The following PPP1R9A variants were observed in gnomAD, a reference collection of about 807,000 sequenced individuals.
PPP1R9A encodes neurabin-1.
A neutral mutation model predicts 141.9 loss-of-function variants in PPP1R9A; 59 were observed. The ratio of observed to expected loss-of-function variants is 0.42; its 90% CI spans 0.34 to 0.52. The LOEUF is 0.52. PPP1R9A is among the 20% of genes least tolerant of loss of function. The probability of loss-of-function intolerance (pLI) is 0.10; values close to 1 mark genes in which losing one functional copy is unlikely to be tolerated. For missense variants in PPP1R9A, 1,444 were observed against 1,611.9 expected, an observed-to-expected ratio of 0.90 and a Z score of 1.78; for synonymous variants, 500 against 569.7, an observed-to-expected ratio of 0.88 and a Z score of 1.74.
intron 2 of PPP1R9A, among the ~76,000 whole-genome samples, chr7:94,972,480 A>T (rs887140559): frequency 1.3e-5 from 2 of 151,554 alleles, no homozygotes; most frequent in Non-Finnish European, 2.9e-5. Context: ...CTTGGCCCTG[A>T]CTCAGCTGGT....
chr7:95,173,088 C>G (rs1449617614), intron 5 of PPP1R9A, among the ~76,000 whole-genome samples: 2 of 151,718 alleles, frequency 1.3e-5, no homozygotes, highest in Non-Finnish European at 2.9e-5. Flanking sequence ...TGATCACAAC[C>G]CTAATTGCAG....
intron 7 of PPP1R9A, among the ~76,000 whole-genome samples, chr7:95,224,821 A>G (rs1794924838): frequency 6.6e-6 from 1 of 152,112 alleles, no homozygotes; most frequent in Admixed American, 6.6e-5. Context: ...AAAGGAATAG[A>G]TCATTCAGTA....
intron 5 of PPP1R9A, among the ~76,000 whole-genome samples, chr7:95,173,556 A>G (rs944822072): frequency 2.6e-5 from 4 of 152,080 alleles, no homozygotes; most frequent in Non-Finnish European, 5.9e-5. Flanking sequence ...TACCCTTAAG[A>G]AAATGGAAAA....
chr7:94,915,639 G>GT (rs1479034807), intron 2 of PPP1R9A, among the ~76,000 whole-genome samples: 1 of 152,216 alleles, frequency 6.6e-6, no homozygotes, highest in Non-Finnish European at 1.5e-5. Context: ...AAGCTATGGA[G>GT]TAAGTTAACA....
chr7:95,055,405 A>G (rs972042663), intron 2 of PPP1R9A, among the ~76,000 whole-genome samples: 1 of 152,134 alleles, frequency 6.6e-6, no homozygotes, highest in African/African-American at 2.4e-5. Flanking sequence ...AGTTAATTTT[A>G]TAAGTCCTGT....
At chr7:94,973,534 G>A (rs1563067585) in intron 2 of PPP1R9A, among the ~76,000 whole-genome samples, 1 of 152,134 alleles carries the variant, frequency 6.6e-6, no homozygotes, top group East Asian at 1.9e-4. Flanking sequence ...TAGTAAGTGA[G>A]ATAGGAATTA....
At chr7:95,131,317 T>A (rs1824564202) in intron 4 of PPP1R9A, among the ~76,000 whole-genome samples, 1 of 152,200 alleles carries the variant, frequency 6.6e-6, no homozygotes, top group African/African-American at 2.4e-5. Flanking sequence ...GATGTGCCTT[T>A]CACCTTCCGC....
At chr7:95,006,193 C>T (rs930545478) in intron 2 of PPP1R9A, among the ~76,000 whole-genome samples, 1 of 146,234 alleles carries the variant, frequency 6.8e-6, no homozygotes, top group African/African-American at 2.6e-5. Flanking sequence ...ATCTTAAGAA[C>T]TTATTTATTT....
At chr7:95,248,490 ATT>A (rs1798448482) in intron 9 of PPP1R9A, among the ~76,000 whole-genome samples, 1 of 152,140 alleles carries the variant, frequency 6.6e-6, no homozygotes, top group Non-Finnish European at 1.5e-5. Flanking sequence ...ATAATTTTAA[ATT>A]AGTGGCGGTT....
At chr7:95,052,126 C>T (rs549406240) in intron 2 of PPP1R9A, among the ~76,000 whole-genome samples, 97 of 152,286 alleles carry the variant, frequency 6.4e-4, no homozygotes, top group African/African-American at 2.1e-3. Flanking sequence ...AGGCAGGAGC[C>T]ACTGTGCCTG....
intron 4 of PPP1R9A, among the ~76,000 whole-genome samples, chr7:95,151,090 G>A (rs1025684545): frequency 1.3e-5 from 2 of 152,184 alleles, no homozygotes; most frequent in African/African-American, 4.8e-5. Context: ...CACTCTGGGG[G>A]ACAGACTGAC....
At chr7:95,199,099 T>C (rs1030928294) in intron 6 of PPP1R9A, among the ~76,000 whole-genome samples, 1 of 152,292 alleles carries the variant, frequency 6.6e-6, no homozygotes, top group Admixed American at 6.5e-5. Context: ...CTGTAAAAGA[T>C]CAAGTAAATG....
chr7:95,220,344 T>A (rs1794236895), intron 7 of PPP1R9A, among the ~76,000 whole-genome samples: 1 of 152,096 alleles, frequency 6.6e-6, no homozygotes, highest in African/African-American at 2.4e-5. Context: ...TCAAATCCGG[T>A]AAACAAATTC....
chr7:95,279,789 T>G (rs1803826926), intron 16 of PPP1R9A, among the ~76,000 whole-genome samples: 2 of 152,236 alleles, frequency 1.3e-5, no homozygotes, highest in Non-Finnish European at 2.9e-5. Flanking sequence ...TGGACACATT[T>G]CTCTTTCAGA....
In PPP1R9A at chr7:95,284,090, T is replaced by C; in HGVS notation, c.3369T>C (p.Pro1123=). The part of the protein sequence containing the change: ...CSTAQTSTRS[P]CMPFSWFNDS... Reference sequence around the variant, plus strand: ...CAGCTCAGACCTCCACTCGTTCCCCTTGCATGCCTTTCTCATGGTTTAATG... The same window carrying C: ...CAGCTCAGACCTCCACTCGTTCCCCCTGCATGCCTTTCTCATGGTTTAATG... The change falls in exon 17 of 20, where the codon CCT becomes CCC. Residue 1123 remains proline (P), a synonymous_variant. Coordinates refer to ENST00000433360, the MANE Select transcript of PPP1R9A (RefSeq NM_001166160.2). 6.3e-7 allele frequency: 1 copy of C among 1,596,150 alleles called. No homozygotes were observed. The highest frequency in any genetic ancestry group is 1.1e-5 in the South Asian group (1 of 91,016).
chr7:94,923,053 G>T (rs1344280854), intron 2 of PPP1R9A, among the ~76,000 whole-genome samples: 1 of 152,082 alleles, frequency 6.6e-6, no homozygotes, highest in Non-Finnish European at 1.5e-5. Flanking sequence ...TAAGAAAATG[G>T]ATGAACTTTT....
At chr7:95,236,429 T>C (rs908605047) in intron 8 of PPP1R9A, among the ~76,000 whole-genome samples, 1 of 152,018 alleles carries the variant, frequency 6.6e-6, no homozygotes, top group Non-Finnish European at 1.5e-5. Flanking sequence ...TATTACTCTG[T>C]TCAAGTTTTC....
At chr7:94,946,604 A>C (rs1182577715) in intron 2 of PPP1R9A, among the ~76,000 whole-genome samples, 1 of 152,142 alleles carries the variant, frequency 6.6e-6, no homozygotes, top group Non-Finnish European at 1.5e-5. Flanking sequence ...AAAACACTTA[A>C]AATAATTTAT....
rs1013691273 is a variant in PPP1R9A at position 95,033,715 on chromosome 7, A to AT, written c.1396-77535dup. Among the ~76,000 whole-genome samples, 8 of 150,566 alleles carry AT rather than the reference A, an allele frequency of 5.3e-5. No homozygotes were observed. In the South Asian group the frequency reaches 8.4e-4, roughly 16 times the overall value. On this transcript the variant is annotated intron_variant, in intron 2 of 19. Transcript: ENST00000433360. ...GTGTGTCAGAGAAGGATCCAATTCC[A>AT]TTTTTTTTTCCATATGGACATCTAG...
Sources: gnomAD v4.1 joint callset for allele counts (sites outside exome capture counted in the v4.1 genomes callset) on GRCh38, gnomAD v4.1.1 for gene constraint, MANE v1.5 for transcripts, NCBI Gene and HGNC (gene_info 2026-07-23, HGNC 2026-07-21) for gene names.